The following TRIP12 variants were observed in gnomAD, a reference collection of about 807,000 sequenced individuals.
The protein encoded by TRIP12 is thyroid hormone receptor interactor 12, also known as E3 ubiquitin-protein ligase TRIP12.
A neutral mutation model predicts 244.2 loss-of-function variants in TRIP12; 25 were observed. The observed-to-expected ratio is 0.10, with a 90% CI of 0.07 to 0.14. The LOEUF is 0.14. Among genes scored for constraint, TRIP12 ranks in the 10% least tolerant of loss-of-function variants. TRIP12 has a pLI of 1.00. For missense variants in TRIP12, 1,677 were observed against 2,486.4 expected, an observed-to-expected ratio of 0.67 and a Z score of 6.92; for synonymous variants, 905 against 873.1, an observed-to-expected ratio of 1.04 and a Z score of -0.64.
intron 1 of TRIP12, among the ~76,000 whole-genome samples, chr2:229,886,207 G>T (rs150242557): frequency 6.6e-5 from 10 of 152,268 alleles, no homozygotes; most frequent in Non-Finnish European, 1.0e-4. Context: ...GTAGCCATAT[G>T]TCAAACCTGA....
At chr2:229,845,573 A>G (rs751886557) in intron 4 of TRIP12, among the ~76,000 whole-genome samples, 7 of 152,210 alleles carry the variant, frequency 4.6e-5, no homozygotes, top group Admixed American at 1.3e-4. Flanking sequence ...AATTTCAAAA[A>G]CTAGTTAAAA....
intron 8 of TRIP12, among the ~76,000 whole-genome samples, chr2:229,827,462 AATTATT>A (rs200242984): frequency 7.2e-5 from 11 of 151,924 alleles, no homozygotes; most frequent in East Asian, 3.9e-4. Flanking sequence ...CTATTTTGAA[AATTATT>A]ATTATTATTA....
At chr2:229,859,602 A>T in intron 3 of TRIP12, 28 bp from the exon 4 acceptor site, 1 of 1,585,340 alleles carries the variant, frequency 6.3e-7, no homozygotes, top group Non-Finnish European at 8.6e-7. Flanking sequence ...AAAACAGTTA[A>T]TATCAGCCTG....
chr2:229,836,800 T>A, intron 6 of TRIP12, 48 bp downstream of exon 6: 1 of 1,557,296 alleles, frequency 6.4e-7, no homozygotes, highest in Non-Finnish European at 8.6e-7. Flanking sequence ...GCCCATCAAA[T>A]CTGTAAAAGA....
At chr2:229,823,591 G>T (rs1575535162) in intron 8 of TRIP12, among the ~76,000 whole-genome samples, 1 of 152,024 alleles carries the variant, frequency 6.6e-6, no homozygotes, top group East Asian at 1.9e-4. Context: ...CAGAAGAATG[G>T]CGTGAACCCG....
At position 229,766,946 on chromosome 2, in the gene TRIP12, CT is replaced by C. The variant is rs1206113426; in HGVS notation, c.*607del. The C allele has an allele frequency of 1.3e-5, 2 of 151,920 alleles. No homozygotes were observed. The highest frequency in any genetic ancestry group is 4.8e-5 in the African/African-American group (2 of 41,334). The allele number at this position is 151,920 out of a possible 1,614,324, so 9.4% of individuals were successfully genotyped here. ...CAATGAATTTTAAATTAGATCTTAA[CT>C]GGAGAGAACATGGGACAACAGAAGC... On this transcript the variant is annotated 3_prime_UTR_variant, in exon 42 of 42. Transcript: ENST00000675903.
At chr2:229,885,545 G>A (rs1463242603) in intron 1 of TRIP12, among the ~76,000 whole-genome samples, 2 of 152,152 alleles carry the variant, frequency 1.3e-5, no homozygotes, top group Non-Finnish European at 2.9e-5. Context: ...GATAAAGAAG[G>A]AAATGACTAG....
At chr2:229,846,527 T>C (rs1011218175) in intron 4 of TRIP12, among the ~76,000 whole-genome samples, 5 of 152,302 alleles carry the variant, frequency 3.3e-5, no homozygotes, top group Non-Finnish European at 7.4e-5. Context: ...AAGTACAACT[T>C]TTATGTGCAC....
chr2:229,910,712 A>G (rs2074095733), intron 1 of TRIP12, among the ~76,000 whole-genome samples: 1 of 152,136 alleles, frequency 6.6e-6, no homozygotes, highest in Non-Finnish European at 1.5e-5. Flanking sequence ...GAAATACCCC[A>G]AGTCTTAGTT....
Position 229,797,677 on chromosome 2 carries a change from C to T in TRIP12, c.3624+13G>A. ...GACTGAAAAAGACCAGCAAAATGCA[C>T]TGGACACAGCACCTGGAGGTTGAGT... is the stretch of plus-strand genomic sequence containing the variant. On this transcript the variant is annotated intron_variant, in intron 24 of 41. Coordinates refer to ENST00000675903, the MANE Select transcript of TRIP12 (RefSeq NM_001348323.3). 6.2e-7 allele frequency: 1 copy of T among 1,611,756 alleles called. No homozygotes were observed. The highest frequency in any genetic ancestry group is 8.5e-7 in the Non-Finnish European group (1 of 1,179,036).
chr2:229,880,691 C>T (rs182873195), intron 1 of TRIP12, among the ~76,000 whole-genome samples: 9 of 152,260 alleles, frequency 5.9e-5, no homozygotes, highest in Non-Finnish European at 8.8e-5. Context: ...CACCTGTAAT[C>T]CCAGTATTTT....
intron 1 of TRIP12, among the ~76,000 whole-genome samples, chr2:229,909,942 C>T (rs1266557260): frequency 6.6e-6 from 1 of 152,170 alleles, no homozygotes; most frequent in African/African-American, 2.4e-5. Context: ...CACTGACATG[C>T]CTTAAATGAT....
intron 1 of TRIP12, among the ~76,000 whole-genome samples, chr2:229,892,706 A>C (rs777683779): frequency 1.2e-4 from 18 of 152,122 alleles, no homozygotes; most frequent in Admixed American, 3.9e-4. Flanking sequence ...TCTCCACAAA[A>C]AATACAAAAA....
intron 1 of TRIP12, chr2:229,921,472 C>T (rs2076551219): frequency 6.7e-6 from 1 of 148,606 alleles, no homozygotes; most frequent in Non-Finnish European, 1.5e-5. Context: ...CGGCCCCCCA[C>T]TTTCTCTCTT....
intron 1 of TRIP12, among the ~76,000 whole-genome samples, chr2:229,895,934 C>T (rs73998707): frequency 0.015 from 2,258 of 152,108 alleles, 50 homozygotes; most frequent in African/African-American, 0.052. Flanking sequence ...CTACAGTGAC[C>T]ATGATAGCAC....
intron 1 of TRIP12, among the ~76,000 whole-genome samples, chr2:229,908,994 G>A (rs2073662387): frequency 1.3e-5 from 2 of 149,920 alleles, no homozygotes; most frequent in African/African-American, 2.5e-5. Context: ...GGAGGCTGAG[G>A]CAGGAGAATC....
At position 229,831,042 on chromosome 2, in the gene TRIP12, A is replaced by G. The variant is rs560219710; in HGVS notation, c.1271-203T>C. On this transcript the variant is annotated intron_variant, in intron 6 of 41. Coordinates refer to ENST00000675903, the MANE Select transcript of TRIP12 (RefSeq NM_001348323.3). Reference sequence around the variant, plus strand: ...AGGAGAGCTCAACTATTTTAGTATTAAAAAGGTTGTATTTTTATGCTTGTT... The same window carrying G: ...AGGAGAGCTCAACTATTTTAGTATTGAAAAGGTTGTATTTTTATGCTTGTT... 3 of 694,676 alleles carry G rather than the reference A, an allele frequency of 4.3e-6. No individual in the cohort carries two copies. In the Admixed American group the frequency reaches 6.9e-5, roughly 16 times the overall value. 43.0% of individuals were successfully genotyped at this position (694,676 alleles called of 1,614,324 possible).
At chr2:229,920,405 C>G (rs562951006) in intron 1 of TRIP12, among the ~76,000 whole-genome samples, 1 of 152,220 alleles carries the variant, frequency 6.6e-6, no homozygotes, top group Non-Finnish European at 1.5e-5. Context: ...GGAAAGGAGA[C>G]AGCAGGAGAG....
chr2:229,864,059 T>A (rs1187529887), intron 2 of TRIP12, among the ~76,000 whole-genome samples: 128 of 136,992 alleles, frequency 9.3e-4, no homozygotes, highest in African/African-American at 3.1e-3. Flanking sequence ...TGTGTGTGTG[T>A]GTGTGTGTGT....
Sources: allele counts gnomAD v4.1 joint callset (sites outside exome capture counted in the v4.1 genomes callset), GRCh38; gene constraint gnomAD v4.1.1; transcripts MANE v1.5; gene names NCBI Gene and HGNC (gene_info 2026-07-23, HGNC 2026-07-21).